Variants in MAP7D2 observed in about 807,000 individuals in gnomAD.
MAP7D2 encodes the protein MAP7 domain containing 2.
Under a neutral mutation model 63.5 loss-of-function variants are expected in MAP7D2, and 33 were observed. The observed-to-expected ratio is 0.52, with a 90% confidence interval of 0.39 to 0.70. The LOEUF is 0.70. Ranked by LOEUF, MAP7D2 falls within the 30% of genes least tolerant of loss-of-function variation. MAP7D2 has a pLI of 0.00. For synonymous variants in MAP7D2, 224 were observed against 223.7 expected, an observed-to-expected ratio of 1.00 and a Z score of -0.01; for missense variants, 626 against 604.0, an observed-to-expected ratio of 1.04 and a Z score of -0.38.
intron 1 of MAP7D2, among the ~76,000 whole-genome samples, chrX:20,094,528 A>ATATG (rs2066180089): frequency 6.3e-5 from 1 of 15,897 alleles, no homozygotes; most frequent in Non-Finnish European, 8.9e-5. Flanking sequence ...ATATATATAT[A>ATATG]TATATATATA....
At chrX:20,034,242 A>C (rs936988967) in intron 8 of MAP7D2, among the ~76,000 whole-genome samples, 11 of 105,039 alleles carry the variant, frequency 1.0e-4, no homozygotes, top group Admixed American at 2.1e-4. Flanking sequence ...AAAAAAAAAA[A>C]AAAAAAAAAA....
intron 1 of MAP7D2, among the ~76,000 whole-genome samples, chrX:20,094,498 ATATATATATATATATATG>A (rs1361106703): frequency 2.7e-4 from 5 of 18,448 alleles, no homozygotes; most frequent in African/African-American, 1.1e-3. Flanking sequence ...ATATATATAT[ATATATATATATATATATG>A]TATATATATA....
chrX:20,099,091 G>A (rs995847696), intron 1 of MAP7D2, among the ~76,000 whole-genome samples: 5 of 112,480 alleles, frequency 4.4e-5, no homozygotes, highest in Non-Finnish European at 9.4e-5. Flanking sequence ...CAATAACTCT[G>A]GCACAGGCCT....
chrX:20,090,011 C>T (rs2066023268), intron 1 of MAP7D2, among the ~76,000 whole-genome samples: 2 of 111,517 alleles, frequency 1.8e-5, no homozygotes, highest in African/African-American at 6.5e-5. Flanking sequence ...TCCCTTTTGC[C>T]TCTTTACAGT....
In MAP7D2 at chrX:20,052,875, T is replaced by C; in HGVS notation, c.595+3A>G. The C allele has an allele frequency of 8.5e-7, 1 of 1,179,294 alleles. No individual in the cohort carries two copies. The highest frequency in any genetic ancestry group is 1.8e-5 in the African/African-American group (1 of 57,005). On this transcript the variant is annotated splice_donor_region_variant and intron_variant, in intron 5 of 16. Transcript: ENST00000379643. ...GAGAGACCAAGTCTACATGTTCACT[T>C]GCCTCGGTCTGGGGAATAGGATATT... is the stretch of plus-strand genomic sequence containing the variant.
At chrX:20,108,021 T>C (rs1046277830) in intron 1 of MAP7D2, among the ~76,000 whole-genome samples, 1 of 111,486 alleles carries the variant, frequency 9.0e-6, no homozygotes, top group Non-Finnish European at 1.9e-5. Context: ...CTTTGGGAAA[T>C]ACTGGCCCAG....
intron 1 of MAP7D2, among the ~76,000 whole-genome samples, chrX:20,112,906 T>C (rs1236777792): frequency 8.9e-6 from 1 of 112,044 alleles, no homozygotes; most frequent in African/African-American, 3.3e-5. Context: ...AGGCAATCAA[T>C]GTAATTACAA....
At chrX:20,087,401 A>C (rs1461242774) in intron 1 of MAP7D2, among the ~76,000 whole-genome samples, 2 of 110,950 alleles carry the variant, frequency 1.8e-5, no homozygotes, top group African/African-American at 6.6e-5. Flanking sequence ...CTCTTCCTCT[A>C]TCTCTGCATG....
At chrX:20,091,515 C>T (rs747871275) in intron 1 of MAP7D2, among the ~76,000 whole-genome samples, 49 of 109,387 alleles carry the variant, frequency 4.5e-4, no homozygotes, top group Non-Finnish European at 7.1e-4. Flanking sequence ...ACTAAAAATA[C>T]AAAAATTAGC....
rs144271824 is a variant in MAP7D2 at position 20,074,507 on chromosome X, C to T, written c.131-9702G>A. 3.0e-3 allele frequency among the ~76,000 whole-genome samples: 335 copies of T among 111,439 alleles called. 1 individual carries two copies. The highest frequency in any genetic ancestry group is 5.1e-3 in the Non-Finnish European group (270 of 53,066). On this transcript the variant is annotated intron_variant, in intron 1 of 16. Coordinates refer to ENST00000379643, the MANE Select transcript of MAP7D2 (RefSeq NM_001168465.2). ...TTGTTCGGAAAGCATCACATACTCC[C>T]GCCTCATATTTTTCATTTAAAACCT...
chrX:20,032,499 C>T (rs1298118723), intron 8 of MAP7D2, among the ~76,000 whole-genome samples: 1 of 111,412 alleles, frequency 9.0e-6, no homozygotes. Context: ...GAGCCTTCCA[C>T]GGGCCTGTGA....
At chrX:20,094,510 A>ATGTG (rs2066169322) in intron 1 of MAP7D2, among the ~76,000 whole-genome samples, 1 of 9,033 alleles carries the variant, frequency 1.1e-4, no homozygotes, top group Non-Finnish European at 1.5e-4. Context: ...ATATATATAT[A>ATGTG]TATATGTATA....
intron 1 of MAP7D2, among the ~76,000 whole-genome samples, chrX:20,097,285 C>T (rs1191740289): frequency 8.9e-6 from 1 of 112,228 alleles, no homozygotes; most frequent in African/African-American, 3.2e-5. Context: ...TAGCACACCA[C>T]AAGATTCTCT....
chrX:20,067,392 A>C (rs1436295184), intron 1 of MAP7D2, among the ~76,000 whole-genome samples: 1 of 111,836 alleles, frequency 8.9e-6, no homozygotes, highest in African/African-American at 3.3e-5. Context: ...TGAGAGTCAC[A>C]CCTTCAAATC....
intron 1 of MAP7D2, among the ~76,000 whole-genome samples, chrX:20,098,559 G>GT (rs1485723986): frequency 1.8e-5 from 2 of 110,425 alleles, no homozygotes; most frequent in African/African-American, 6.6e-5. Flanking sequence ...CTACACGGTG[G>GT]GGGGGGGAGC....
At chrX:20,011,909 G>C (rs1243033084) in intron 15 of MAP7D2, among the ~76,000 whole-genome samples, 6 of 112,381 alleles carry the variant, frequency 5.3e-5, no homozygotes, top group Non-Finnish European at 1.1e-4. Context: ...CTGTCACCAG[G>C]AATCTCTTAA....
rs2073818956 is a variant in MAP7D2 at position 20,025,728 on chromosome X, C to T, written c.1232G>A (p.Ser411Asn). 1 of 1,211,995 alleles carries T rather than the reference C, an allele frequency of 8.3e-7. No individual in the cohort carries two copies. Among genetic ancestry groups the T allele is most frequent in the Non-Finnish European group, 1.1e-6 (1 of 895,454 alleles). The change falls in exon 9 of 17, where the codon AGC becomes AAC. Residue 411 changes from serine to asparagine, a missense_variant. Physicochemically the swap from Ser to Asn is conservative, Grantham distance 46. Coordinates refer to ENST00000379643, the MANE Select transcript of MAP7D2 (RefSeq NM_001168465.2). ...LEKHVVDKHA[S>N]EKHAAAAGGK... The stretch of plus-strand genomic sequence containing the variant: ...TCCTGCGGCAGCAGCATGCTTCTCG[C>T]TGGCATGCTTGTCCACTACATGCTT...
intron 1 of MAP7D2, among the ~76,000 whole-genome samples, chrX:20,085,039 C>T (rs764089565): frequency 8.9e-6 from 1 of 111,906 alleles, no homozygotes; most frequent in Non-Finnish European, 1.9e-5. Context: ...AGTGGGAAGG[C>T]TTACTTGGCC....
intron 1 of MAP7D2, among the ~76,000 whole-genome samples, chrX:20,103,875 T>C (rs2066499927): frequency 9.0e-6 from 1 of 111,247 alleles, no homozygotes; most frequent in South Asian, 3.8e-4. Context: ...GATATAATCT[T>C]TACATGCCAA....
Sources: gnomAD v4.1 joint callset for allele counts (sites outside exome capture counted in the v4.1 genomes callset) on GRCh38, gnomAD v4.1.1 for gene constraint, MANE v1.5 for transcripts, NCBI Gene and HGNC (gene_info 2026-07-23, HGNC 2026-07-21) for gene names.